Variants in DRICH1 observed in about 807,000 individuals in gnomAD.
DRICH1 encodes the protein aspartate rich 1, also known as aspartate-rich protein 1.
DRICH1 carries 38 observed loss-of-function variants against 39.5 expected under a neutral mutation model. That is an observed-to-expected ratio of 0.96 (90% CI 0.74 to 1.26). The LOEUF (loss-of-function observed/expected upper bound fraction) is 1.26. DRICH1 is among the 50% of genes most tolerant of loss of function. DRICH1 has a pLI of 0.00. For missense variants in DRICH1, 279 were observed against 270.4 expected, an observed-to-expected ratio of 1.03 and a Z score of -0.22; for synonymous variants, 84 against 99.5, an observed-to-expected ratio of 0.84 and a Z score of 0.93.
chr22:23,584,210 G>T, the DRICH1 span, among the ~76,000 whole-genome samples: 1 of 152,214 alleles, frequency 6.6e-6, no homozygotes, highest in Non-Finnish European at 1.5e-5. Context: ...GGCAGAGGAG[G>T]CTGGGCCCTG....
intron 11 of DRICH1, among the ~76,000 whole-genome samples, chr22:23,611,204 C>T (rs900039615): frequency 6.6e-6 from 1 of 152,044 alleles, no homozygotes; most frequent in Non-Finnish European, 1.5e-5. Flanking sequence ...ATAGGTTAAC[C>T]TTTGGCGTTA....
At chr22:23,600,965 C>A in the DRICH1 span, among the ~76,000 whole-genome samples, 3 of 152,166 alleles carry the variant, frequency 2.0e-5, no homozygotes, top group Non-Finnish European at 4.4e-5. Context: ...AGCCACCGCA[C>A]CTGGCCGGCA....
the DRICH1 span, among the ~76,000 whole-genome samples, chr22:23,582,956 G>C: frequency 6.6e-6 from 1 of 152,160 alleles, no homozygotes. Flanking sequence ...TGATGATACT[G>C]AGCTTCCAAA....
At chr22:23,587,593 C>T in the DRICH1 span, among the ~76,000 whole-genome samples, 3 of 152,114 alleles carry the variant, frequency 2.0e-5, no homozygotes, top group African/African-American at 7.2e-5. Context: ...GGCAGCTGAC[C>T]ACCACCCTCC....
the DRICH1 span, among the ~76,000 whole-genome samples, chr22:23,597,412 T>G: frequency 0.14 from 18,412 of 133,324 alleles, 1,611 homozygotes; most frequent in East Asian, 0.27. Flanking sequence ...CTAAGGTCAG[T>G]GCATCTATTG....
chr22:23,615,571 A>T (rs1201504939), intron 8 of DRICH1, among the ~76,000 whole-genome samples: 1 of 152,240 alleles, frequency 6.6e-6, no homozygotes, highest in South Asian at 2.1e-4. Flanking sequence ...AACCTGACTA[A>T]CACACAATAC....
At chr22:23,588,177 A>C in the DRICH1 span, among the ~76,000 whole-genome samples, 3 of 152,158 alleles carry the variant, frequency 2.0e-5, no homozygotes. Context: ...CCCAGGCTGG[A>C]ATGCAGTGGT....
chr22:23,608,651 T>A lies in DRICH1; in HGVS notation c.*113A>T. On this transcript the variant is annotated 3_prime_UTR_variant, in exon 12 of 12. Transcript: ENST00000317749. ...TTTTTCTCTCTGCTGGGACCAAGAG[T>A]TTTCCTCAGAATGTAGAGAGGATTG... The A allele has an allele frequency of 1.8e-6, 2 of 1,094,634 alleles. No homozygotes were observed. The highest frequency in any genetic ancestry group is 1.3e-5 in the South Asian group (1 of 74,496). The allele number at this position is 1,094,634 out of a possible 1,614,324, so 67.8% of individuals were successfully genotyped here. A position where few individuals can be genotyped will look rare whatever the true frequency, so the allele number is the denominator to read the frequency against.
At chr22:23,583,214 G>T in the DRICH1 span, 2 of 151,914 alleles carry the variant, frequency 1.3e-5, no homozygotes, top group Non-Finnish European at 2.9e-5. Context: ...TTTGGAAAGT[G>T]CTGTCCTGGA....
intron 1 of DRICH1, among the ~76,000 whole-genome samples, chr22:23,631,537 G>A (rs1183415287): frequency 6.6e-6 from 1 of 152,120 alleles, no homozygotes; most frequent in African/African-American, 2.4e-5. Flanking sequence ...TACCAAACCG[G>A]CCAGATAGGT....
chr22:23,589,089 GACACACACACACACACAC>G, the DRICH1 span, among the ~76,000 whole-genome samples: 1 of 143,824 alleles, frequency 7.0e-6, no homozygotes, highest in Non-Finnish European at 1.5e-5. Context: ...TCTCCCAGCT[GACACACACACACACACAC>G]ACACACACAC....
chr22:23,622,004 G>A, intron 4 of DRICH1, 87 bp downstream of exon 4: 1 of 1,217,528 alleles, frequency 8.2e-7, no homozygotes, highest in South Asian at 1.2e-5. Context: ...AGCTCCCTGA[G>A]TCCATTCTTT....
downstream of DRICH1, among the ~76,000 whole-genome samples, chr22:23,605,500 G>A (rs559352286): frequency 1.3e-5 from 2 of 152,288 alleles, no homozygotes; most frequent in African/African-American, 4.8e-5. Context: ...AAAGGGTGTG[G>A]AGGCGGCACA....
In DRICH1 at chr22:23,622,208, T is replaced by C. The variant is rs771355577; in HGVS notation, c.299-32A>G. ...GGACACAGAGGAAAGATCCGTGCCC[T>C]GGTTGATTGTGACTGTGAGTCACTC... On this transcript the variant is annotated intron_variant, in intron 3 of 11. Transcript: ENST00000317749. 3 of 1,599,188 alleles carry C rather than the reference T, an allele frequency of 1.9e-6. No individual in the cohort carries two copies. In the Admixed American group the frequency reaches 5.0e-5, roughly 27 times the overall value.
At chr22:23,601,384 C>A in the DRICH1 span, among the ~76,000 whole-genome samples, 1 of 152,192 alleles carries the variant, frequency 6.6e-6, no homozygotes, top group Non-Finnish European at 1.5e-5. Context: ...TAAAAATGAA[C>A]AAACTAGGTT....
chr22:23,601,146 GCACACACA>G, the DRICH1 span, among the ~76,000 whole-genome samples: 19 of 146,140 alleles, frequency 1.3e-4, no homozygotes, highest in Admixed American at 6.1e-4. Context: ...ACGCACGCGC[GCACACACA>G]CACACACACA....
Position 23,628,032 on chromosome 22 carries a change from T to C in DRICH1, c.209-1984A>G, listed in dbSNP as rs1928171491. 2.6e-5 allele frequency among the ~76,000 whole-genome samples: 4 copies of C among 152,180 alleles called. 1 individual carries two copies. The South Asian group carries it at 8.3e-4, about 31-fold the overall frequency. ...ATAGCCAGGGCCCCTCTACCCACCC[T>C]GTGGGAAGACACAACACAGATAGAG... On this transcript the variant is annotated intron_variant, in intron 1 of 11. Coordinates refer to ENST00000317749, the MANE Select transcript of DRICH1 (RefSeq NM_016449.4).
At chr22:23,601,554 G>C in the DRICH1 span, among the ~76,000 whole-genome samples, 14 of 152,146 alleles carry the variant, frequency 9.2e-5, no homozygotes, top group Non-Finnish European at 1.5e-5. Context: ...GGGCTAAGGA[G>C]GGGTTTGGGA....
At chr22:23,596,249 T>G in the DRICH1 span, among the ~76,000 whole-genome samples, 1 of 152,104 alleles carries the variant, frequency 6.6e-6, no homozygotes, top group South Asian at 2.1e-4. Flanking sequence ...AGGGGTGCAG[T>G]TCAAAGGTTG....
Sources: gnomAD v4.1 joint callset for allele counts (sites outside exome capture counted in the v4.1 genomes callset) on GRCh38, gnomAD v4.1.1 for gene constraint, MANE v1.5 for transcripts, NCBI Gene and HGNC (gene_info 2026-07-23, HGNC 2026-07-21) for gene names.